PBLD: variants seen among roughly 807,000 people sequenced by gnomAD.
The protein encoded by PBLD is phenazine biosynthesis-like domain-containing protein.
Under a neutral mutation model 31.3 loss-of-function variants are expected in PBLD, and 26 were observed. The ratio of observed to expected loss-of-function variants is 0.83; its 90% CI spans 0.61 to 1.15. The LOEUF is 1.15. Among genes scored for constraint, PBLD ranks in the 50% most tolerant of loss-of-function variants. The pLI is 0.00. For missense variants in PBLD, 307 were observed against 351.7 expected, an observed-to-expected ratio of 0.87 and a Z score of 1.02; for synonymous variants, 114 against 129.0, an observed-to-expected ratio of 0.88 and a Z score of 0.79.
At chr10:68,331,857 G>A (rs1173939530) in intron 1 of PBLD, 1 of 152,320 alleles carries the variant, frequency 6.6e-6, no homozygotes, top group Non-Finnish European at 1.5e-5. Flanking sequence ...GAAAAACGGT[G>A]CGCGCTGCAG....
intron 1 of PBLD, among the ~76,000 whole-genome samples, chr10:68,316,353 A>C (rs958236821): frequency 2.0e-5 from 3 of 152,282 alleles, no homozygotes; most frequent in African/African-American, 7.2e-5. Flanking sequence ...ATGGAAATGA[A>C]AAATTAATTA....
rs1250411166 is a variant in PBLD at position 68,289,022 on chromosome 10, G to A, written c.424-3C>T. The A allele has an allele frequency of 6.2e-7, 1 of 1,613,198 alleles. No individual in the cohort carries two copies. Among genetic ancestry groups the A allele is most frequent in the African/African-American group, 1.3e-5 (1 of 74,910 alleles). On this transcript the variant is annotated splice_polypyrimidine_tract_variant and splice_region_variant and intron_variant, in intron 6 of 9. Coordinates refer to ENST00000358769, the MANE Select transcript of PBLD (RefSeq NM_022129.4). ...ACCAGTGTGTTGCCTATGGCAGTCT[G>A]TGGAGACAGACCAAAAACTCCTCAG...
intron 1 of PBLD, among the ~76,000 whole-genome samples, chr10:68,308,604 A>G (rs1484504412): frequency 6.7e-6 from 1 of 150,018 alleles, no homozygotes; most frequent in African/African-American, 2.5e-5. Flanking sequence ...GCTGGATTGC[A>G]ATGGCACAAT....
intron 2 of PBLD, among the ~76,000 whole-genome samples, chr10:68,303,663 G>A (rs2044536475): frequency 6.6e-6 from 1 of 151,812 alleles, no homozygotes. Flanking sequence ...AGAAGCTCTT[G>A]AACTTTATTA....
rs913476303 is a variant in PBLD at position 68,318,997 on chromosome 10, A to G, written c.-59-12094T>C. ...CAAGAAGGAAGGAAGTTAGGAAAGA[A>G]AGAGAGAAAGAAAGAAAGAGAGAGG... On this transcript the variant is annotated intron_variant, in intron 1 of 9. Coordinates refer to ENST00000358769, the MANE Select transcript of PBLD (RefSeq NM_022129.4). 4.7e-5 allele frequency among the ~76,000 whole-genome samples: 7 copies of G among 150,218 alleles called. No individual in the cohort carries two copies. In the Admixed American group the frequency reaches 4.7e-4, roughly 10 times the overall value.
At chr10:68,319,057 A>AG (rs1564737394) in intron 1 of PBLD, among the ~76,000 whole-genome samples, 1,329 of 59,582 alleles carry the variant, frequency 0.022, 14 homozygotes, top group Admixed American at 0.051. Flanking sequence ...AAGAGAGAGA[A>AG]AGAAAGAAAG....
chr10:68,304,992 A>G (rs2044556836), intron 2 of PBLD, among the ~76,000 whole-genome samples: 1 of 152,250 alleles, frequency 6.6e-6, no homozygotes, highest in South Asian at 2.1e-4. Context: ...TGTAGAGTTA[A>G]GGTAAGACAA....
chr10:68,312,705 G>A (rs2044686796), intron 1 of PBLD, among the ~76,000 whole-genome samples: 1 of 142,848 alleles, frequency 7.0e-6, no homozygotes, highest in Non-Finnish European at 1.5e-5. Context: ...CGCCTCCCGG[G>A]TTCACGCCAT....
chr10:68,305,270 C>CTTTTTTTTTT (rs71009039), intron 2 of PBLD, among the ~76,000 whole-genome samples: 1 of 136,088 alleles, frequency 7.3e-6, no homozygotes, highest in Non-Finnish European at 1.5e-5. Context: ...ATCAGTCCTC[C>CTTTTTTTTTT]TTTTTTTTTT....
intron 8 of PBLD, 55 bp downstream of exon 8, chr10:68,288,428 T>C: frequency 6.4e-7 from 1 of 1,568,506 alleles, no homozygotes; most frequent in Non-Finnish European, 8.6e-7. Context: ...AAATAACTAT[T>C]TGTGATCCTC....
chr10:68,311,417 T>G (rs1046089296), intron 1 of PBLD, among the ~76,000 whole-genome samples: 1 of 151,890 alleles, frequency 6.6e-6, no homozygotes, highest in African/African-American at 2.4e-5. Context: ...AAACCCCATC[T>G]CTACTAAAAA....
chr10:68,323,514 C>T (rs2044867250), intron 1 of PBLD, among the ~76,000 whole-genome samples: 1 of 152,082 alleles, frequency 6.6e-6, no homozygotes. Context: ...GTGAGCTGAG[C>T]ACACCACTGC....
At chr10:68,317,261 C>T (rs991576229) in intron 1 of PBLD, among the ~76,000 whole-genome samples, 2 of 152,190 alleles carry the variant, frequency 1.3e-5, no homozygotes, top group African/African-American at 4.8e-5. Context: ...TAAACAAAAA[C>T]TTGTTGCTAG....
At chr10:68,318,193 C>T (rs1325693309) in intron 1 of PBLD, among the ~76,000 whole-genome samples, 1 of 151,920 alleles carries the variant, frequency 6.6e-6, no homozygotes, top group East Asian at 1.9e-4. Flanking sequence ...AGCCACTGCA[C>T]TCCAGCCTGG....
chr10:68,284,055 G>T lies in PBLD; in HGVS notation c.*122C>A. On this transcript the variant is annotated 3_prime_UTR_variant, in exon 10 of 10. Coordinates refer to ENST00000358769, the MANE Select transcript of PBLD (RefSeq NM_022129.4). Reference sequence around the variant, plus strand: ...AGCCACTGCGCCTGGCCCATTTTTCGATTTTTAACATGAGGATTAAGTAGA... The same window carrying T: ...AGCCACTGCGCCTGGCCCATTTTTCTATTTTTAACATGAGGATTAAGTAGA... 5.2e-6 allele frequency: 5 copies of T among 963,378 alleles called. No individual in the cohort carries two copies. Among genetic ancestry groups the T allele is most frequent in the African/African-American group, 1.7e-5 (1 of 60,478 alleles). 59.7% of individuals were successfully genotyped at this position (963,378 alleles called of 1,614,324 possible).
At chr10:68,319,114 AAAAGAAAGAAAGAG>A in intron 1 of PBLD, among the ~76,000 whole-genome samples, 1 of 126,108 alleles carries the variant, frequency 7.9e-6, no homozygotes, top group Middle Eastern at 4.1e-3. Flanking sequence ...AAAGAAAGGA[AAAAGAAAGAAAGAG>A]AGAAGGAGAA....
chr10:68,325,847 A>G (rs2044911369), intron 1 of PBLD, among the ~76,000 whole-genome samples: 1 of 152,170 alleles, frequency 6.6e-6, no homozygotes, highest in Non-Finnish European at 1.5e-5. Flanking sequence ...TCCTTCAGAA[A>G]GCTTTCTCTG....
chr10:68,284,751 G>A (rs2134414939), intron 9 of PBLD, among the ~76,000 whole-genome samples: 1 of 152,280 alleles, frequency 6.6e-6, no homozygotes, highest in East Asian at 1.9e-4. Flanking sequence ...ACATATTCAA[G>A]CAACCACGTG....
chr10:68,330,339 A>T (rs1372279636), intron 1 of PBLD, among the ~76,000 whole-genome samples: 1 of 152,120 alleles, frequency 6.6e-6, no homozygotes, highest in Non-Finnish European at 1.5e-5. Flanking sequence ...CATGGGAGAA[A>T]AAATTATACA....
Sources: allele counts gnomAD v4.1 joint callset (sites outside exome capture counted in the v4.1 genomes callset), GRCh38; gene constraint gnomAD v4.1.1; transcripts MANE v1.5; gene names NCBI Gene and HGNC (gene_info 2026-07-23, HGNC 2026-07-21).